The following SYNPO variants were observed in gnomAD, a reference collection of about 807,000 sequenced individuals.
The protein encoded by SYNPO is synaptopodin.
In SYNPO, 19 loss-of-function variants were observed where a neutral mutation model predicts 49.5. The ratio of observed to expected loss-of-function variants is 0.38; its 90% confidence interval spans 0.27 to 0.56. The LOEUF (loss-of-function observed/expected upper bound fraction) is 0.56. Among genes scored for constraint, SYNPO ranks in the 20% least tolerant of loss-of-function variants. The pLI is 0.68. For missense variants in SYNPO, 1,131 were observed against 1,248.3 expected (o/e 0.91, Z 1.42); for synonymous variants, 536 against 548.0 (o/e 0.98, Z 0.31).
At chr5:150,592,590 CAGG>C in the SYNPO span, among the ~76,000 whole-genome samples, 4 of 152,358 alleles carry the variant, frequency 2.6e-5, no homozygotes, top group South Asian at 8.3e-4. Context: ...CGGCTCCATG[CAGG>C]AGAAGGAGGC....
At position 150,657,432 on chromosome 5, in the gene SYNPO, TCACACA is replaced by T. The variant is rs58828199; in HGVS notation, c.*385_*390del. 21,720 of 139,166 alleles carry T rather than the reference TCACACA, an allele frequency of 0.16. 1,943 individuals carry two copies. Among genetic ancestry groups the T allele is most frequent in the African/African-American group, 0.24 (8,523 of 35,032 alleles). The allele number at this position is 139,166 out of a possible 1,614,324, so 8.6% of individuals were successfully genotyped here. A position where few individuals can be genotyped will look rare whatever the true frequency, so the allele number is the denominator to read the frequency against. On this transcript the variant is annotated 3_prime_UTR_variant, in exon 3 of 3. Coordinates refer to ENST00000307662, the MANE Select transcript of SYNPO (RefSeq NM_007286.6). ...CTCTCTCTTTCTCTCTCTCTCTCTC[TCACACA>T]CACACACACACACACACACACACAC...
At chr5:150,607,096 G>C (rs556288139) in intron 1 of SYNPO, among the ~76,000 whole-genome samples, 79 of 152,242 alleles carry the variant, frequency 5.2e-4, no homozygotes, top group Non-Finnish European at 1.0e-3. Context: ...TCCTTACTGA[G>C]AGTCCTTGTC....
In SYNPO at chr5:150,656,729, C is replaced by A. The variant is rs542780461; in HGVS notation, c.2354C>A (p.Pro785Gln). 2.6e-5 allele frequency: 35 copies of A among 1,331,680 alleles called. No individual in the cohort carries two copies. The highest frequency in any genetic ancestry group is 2.8e-4 in the Middle Eastern group (1 of 3,540). The allele number at this position is 1,331,680 out of a possible 1,614,324, so 82.5% of individuals were successfully genotyped here. A position where few individuals can be genotyped will look rare whatever the true frequency, so the allele number is the denominator to read the frequency against. The stretch of plus-strand genomic sequence containing the variant: ...GCCGAGAACCCGCGGCCCTTCTCCC[C>A]GCCGAGGGCGCCACCGCCCCCGCCC... ...AGAENPRPFS[P>Q]PRAPPPPPPP... The change falls in exon 3 of 3, where the codon CCG becomes CAG. Residue 785 changes from proline to glutamine, a missense_variant. Physicochemically the swap from Pro to Gln is moderately conservative, Grantham distance 76 (BLOSUM62 -1). Around this residue, in one of 4 missense-constraint regions of SYNPO, gnomAD observed 509 missense variants for 484.5 expected, o/e 1.05. Transcript: ENST00000307662.
chr5:150,620,943 T>C (rs529112360), intron 2 of SYNPO, among the ~76,000 whole-genome samples: 1 of 145,976 alleles, frequency 6.9e-6, no homozygotes, highest in East Asian at 2.1e-4. Context: ...CTTTCTTTCT[T>C]TCTTTTCTTT....
At chr5:150,587,314 T>C in the SYNPO span, among the ~76,000 whole-genome samples, 2 of 151,776 alleles carry the variant, frequency 1.3e-5, no homozygotes, top group African/African-American at 2.4e-5. Flanking sequence ...TGTATGTGTA[T>C]GTGAATGCTG....
intron 1 of SYNPO, among the ~76,000 whole-genome samples, chr5:150,616,622 T>C (rs1756990337): frequency 1.3e-5 from 2 of 152,120 alleles, no homozygotes; most frequent in Admixed American, 1.3e-4. Context: ...CCACTGCTCA[T>C]CTCCCCTGGA....
chr5:150,586,718 T>C, the SYNPO span, among the ~76,000 whole-genome samples: 1 of 152,258 alleles, frequency 6.6e-6, no homozygotes, highest in Admixed American at 6.5e-5. Context: ...AGCAGTTGTG[T>C]CGATCATGTT....
At chr5:150,596,992 T>C (rs1490378344), upstream of SYNPO, among the ~76,000 whole-genome samples, 1 of 152,244 alleles carries the variant, frequency 6.6e-6, no homozygotes, top group Admixed American at 6.5e-5. Flanking sequence ...TGGCACCTGC[T>C]TGCAGGGCTG....
Position 150,649,211 on chromosome 5 carries a change from G to T in SYNPO, c.936G>T (p.Leu312Phe), listed in dbSNP as rs201607402. 3.3e-4 allele frequency: 531 copies of T among 1,614,062 alleles called. 9 individuals carry two copies. Among genetic ancestry groups the T allele is most frequent in the Non-Finnish European group, 4.1e-5 (48 of 1,180,008 alleles). ...GCCCGGCCTCAGAGAGACGCCCCTT[G>T]GGGAACTTCACTGCACCCCCCACCT... Reference protein sequence around the residue: ...QRSPASERRPLGNFTAPPTYT... With the variant: ...QRSPASERRPFGNFTAPPTYT... Residue 312 changes from leucine (L) to phenylalanine (F), a missense_variant, in exon 2 of 3, where the codon TTG becomes TTT. Around this residue, in one of 4 missense-constraint regions of SYNPO, gnomAD observed 602 missense variants for 720.7 expected, o/e 0.84. Coordinates refer to ENST00000307662, the MANE Select transcript of SYNPO (RefSeq NM_007286.6).
chr5:150,620,782 C>G (rs182501402), intron 2 of SYNPO, among the ~76,000 whole-genome samples: 1 of 152,310 alleles, frequency 6.6e-6, no homozygotes, highest in East Asian at 1.9e-4. Context: ...AACTGAGGCT[C>G]AGAGATTTAA....
At chr5:150,598,967 G>A (rs1250231926), upstream of SYNPO, among the ~76,000 whole-genome samples, 1 of 152,186 alleles carries the variant, frequency 6.6e-6, no homozygotes, top group African/African-American at 2.4e-5. Flanking sequence ...TATGGCCGGG[G>A]GACCTGCTGT....
rs762840555 is a variant in SYNPO, at chr5:150,648,039, T to G, written c.-237T>G. 1.3e-6 allele frequency: 2 copies of G among 1,551,524 alleles called. No homozygotes were observed. Among genetic ancestry groups the G allele is most frequent in the Non-Finnish European group, 1.7e-6 (2 of 1,146,970 alleles). ...AGCCCAGCTGACCACCCCTCCCAGC[T>G]CCAATTCCCGTGGCGTCCAGCTCTT... is the stretch of plus-strand genomic sequence containing the variant. On this transcript the variant is annotated 5_prime_UTR_variant, in exon 2 of 3. Coordinates refer to ENST00000307662, the MANE Select transcript of SYNPO (RefSeq NM_007286.6). This position sits in a 1 kb window ranked among gnomAD's most constrained non-coding sequence, Gnocchi z 5.0.
intron 1 of SYNPO, among the ~76,000 whole-genome samples, chr5:150,617,315 G>T (rs1179111740): frequency 1.3e-5 from 2 of 151,400 alleles, no homozygotes; most frequent in African/African-American, 4.9e-5. Context: ...TGTTTTTTTT[G>T]GCTGAGTTTC....
chr5:150,598,149 G>A (rs751664096), upstream of SYNPO, among the ~76,000 whole-genome samples: 1 of 151,894 alleles, frequency 6.6e-6, no homozygotes, highest in Non-Finnish European at 1.5e-5. Flanking sequence ...AGTGTCCCCC[G>A]CCCACAGAGA....
chr5:150,614,467 A>G (rs1358850057), intron 1 of SYNPO: 1 of 152,146 alleles, frequency 6.6e-6, no homozygotes, highest in Non-Finnish European at 1.5e-5. Flanking sequence ...GGGGAGGGAG[A>G]AGGGGAGGCT....
chr5:150,607,033 G>A (rs960584795), intron 1 of SYNPO, among the ~76,000 whole-genome samples: 2 of 151,968 alleles, frequency 1.3e-5, no homozygotes, highest in Non-Finnish European at 2.9e-5. Flanking sequence ...TCCTACATTG[G>A]GGGGAGGGGG....
chr5:150,624,776 C>T lies in SYNPO; in HGVS notation c.400+6009C>T, dbSNP rs1477025359. 9.0e-6 allele frequency: 8 copies of T among 887,012 alleles called. No individual in the cohort carries two copies. In the African/African-American group the frequency reaches 1.3e-4, roughly 14 times the overall value. The allele number at this position is 887,012 out of a possible 1,614,324, so 54.9% of individuals were successfully genotyped here. A position where few individuals can be genotyped will look rare whatever the true frequency, so the allele number is the denominator to read the frequency against. On this transcript the variant is annotated intron_variant, in intron 2 of 2. Coordinates refer to the SYNPO transcript ENST00000394243. ...GGTGGCGGCGGCGAGGAGGGGGCGT[C>T]GGGCGCGGAGCCTGGGCCTGGCGCG...
At chr5:150,596,268 G>C (rs1756423002), upstream of SYNPO, among the ~76,000 whole-genome samples, 1 of 152,202 alleles carries the variant, frequency 6.6e-6, no homozygotes, top group African/African-American at 2.4e-5. Context: ...CCAGAGAAGA[G>C]ATCTGGCCAG....
At chr5:150,587,684 T>C in the SYNPO span, among the ~76,000 whole-genome samples, 2 of 152,190 alleles carry the variant, frequency 1.3e-5, no homozygotes, top group East Asian at 1.9e-4. Flanking sequence ...CTCAGTTCCC[T>C]CTTATAGGAG....
Sources: gnomAD v4.1 joint callset for allele counts (sites outside exome capture counted in the v4.1 genomes callset) on GRCh38, gnomAD v4.1.1 for gene constraint, gnomAD v4.1.1 regional missense constraint, Gnocchi (gnomAD v3.1) non-coding constraint, MANE v1.5 for transcripts, NCBI Gene and HGNC (gene_info 2026-07-23, HGNC 2026-07-21) for gene names.